Variants in NCKAP5 observed in about 807,000 individuals in gnomAD.
The protein encoded by NCKAP5 is NCK associated protein 5, also known as nck-associated protein 5.
A neutral mutation model predicts 167.0 loss-of-function variants in NCKAP5; 92 were observed. That is an observed-to-expected ratio of 0.55 (90% CI 0.47 to 0.66). The LOEUF is 0.66. NCKAP5 is among the 30% of genes least tolerant of loss of function. The pLI, the probability that NCKAP5 is intolerant of heterozygous loss-of-function variation, is 0.00. For synonymous variants in NCKAP5, 891 were observed against 877.4 expected (o/e 1.02, Z -0.27); for missense variants, 2,378 against 2,315.0 (o/e 1.03, Z -0.56).
chr2:133,127,560 G>T (rs1261592652), intron 6 of NCKAP5, among the ~76,000 whole-genome samples: 1 of 152,076 alleles, frequency 6.6e-6, no homozygotes, highest in Non-Finnish European at 1.5e-5. Context: ...AATCTGTAGG[G>T]GATTGGCATC....
At chr2:132,887,006 G>C (rs1408858913) in intron 8 of NCKAP5, among the ~76,000 whole-genome samples, 2 of 152,128 alleles carry the variant, frequency 1.3e-5, no homozygotes, top group Non-Finnish European at 2.9e-5. Flanking sequence ...TTTGGATAAA[G>C]ATACTCAATT....
chr2:132,860,748 C>T (rs1004572126), intron 10 of NCKAP5, 137 bp from the exon 11 acceptor site: 2 of 1,160,712 alleles, frequency 1.7e-6, no homozygotes, highest in Non-Finnish European at 2.3e-6. Flanking sequence ...AAGTAAATCA[C>T]ATACGTTTTC....
At chr2:132,987,234 T>C (rs1164541185) in intron 7 of NCKAP5, among the ~76,000 whole-genome samples, 5 of 151,916 alleles carry the variant, frequency 3.3e-5, no homozygotes, top group South Asian at 2.1e-4. Flanking sequence ...CTGAAGTTAA[T>C]AGGGGTCTGG....
At position 132,782,707 on chromosome 2, in the gene NCKAP5, C is replaced by A; in HGVS notation, c.4104G>T (p.Leu1368Phe). 6.2e-7 allele frequency: 1 copy of A among 1,613,966 alleles called. No individual in the cohort carries two copies. The highest frequency in any genetic ancestry group is 8.5e-7 in the Non-Finnish European group (1 of 1,179,888). ...CAGACTTTGGAGGGATCCTCAAAGGCAACTTACTTGGGCTCCCATGCTGAC... is the reference window on the plus strand; with the variant it reads ...CAGACTTTGGAGGGATCCTCAAAGGAAACTTACTTGGGCTCCCATGCTGAC... The part of the protein sequence containing the change: ...FSSQHGSPSK[L>F]PLRIPPKSEG... Residue 1368 changes from leucine to phenylalanine, a missense_variant, in exon 14 of 20, where the codon TTG (leucine) becomes TTT (phenylalanine). Coordinates refer to ENST00000409261, the MANE Select transcript of NCKAP5 (RefSeq NM_207363.3).
chr2:132,771,297 C>G (rs908016606), intron 16 of NCKAP5, among the ~76,000 whole-genome samples: 2 of 151,536 alleles, frequency 1.3e-5, no homozygotes, highest in South Asian at 2.1e-4. Context: ...TCGTTTTTAA[C>G]AAAAAATTTA....
At chr2:132,827,151 TA>T (rs1687181742) in intron 11 of NCKAP5, among the ~76,000 whole-genome samples, 1 of 152,198 alleles carries the variant, frequency 6.6e-6, no homozygotes, top group Admixed American at 6.5e-5. Flanking sequence ...CTGCAACAGT[TA>T]AAATGACTGA....
At chr2:132,816,782 C>T (rs192683965) in intron 11 of NCKAP5, among the ~76,000 whole-genome samples, 10 of 152,278 alleles carry the variant, frequency 6.6e-5, no homozygotes, top group Admixed American at 6.5e-4. Flanking sequence ...AACCCCTGAG[C>T]AGACAATCAA....
intron 7 of NCKAP5, among the ~76,000 whole-genome samples, chr2:132,989,097 G>A (rs1031340873): frequency 2.0e-5 from 3 of 152,158 alleles, no homozygotes; most frequent in African/African-American, 4.8e-5. Flanking sequence ...GAAGCATGGC[G>A]GCTACAATGA....
chr2:133,582,990 G>T, the NCKAP5 span, among the ~76,000 whole-genome samples: 1 of 152,244 alleles, frequency 6.6e-6, no homozygotes, highest in African/African-American at 2.4e-5. Context: ...GTTGACCCAG[G>T]CATCTTTATT....
intron 3 of NCKAP5, among the ~76,000 whole-genome samples, chr2:133,460,005 G>A (rs935635184): frequency 1.3e-5 from 2 of 152,182 alleles, no homozygotes; most frequent in South Asian, 2.1e-4. Context: ...GATAAAACTC[G>A]CATCAGTTCA....
At chr2:133,245,837 C>T (rs1390475326) in intron 4 of NCKAP5, among the ~76,000 whole-genome samples, 1 of 150,958 alleles carries the variant, frequency 6.6e-6, no homozygotes, top group Non-Finnish European at 1.5e-5. Context: ...GAAAAAATTC[C>T]CCCTGCTCTC....
the NCKAP5 span, among the ~76,000 whole-genome samples, chr2:133,671,307 T>C: frequency 6.7e-6 from 1 of 150,308 alleles, no homozygotes; most frequent in Non-Finnish European, 1.5e-5. Flanking sequence ...CTGGAGGTAG[T>C]GGTGGTGGCA....
In NCKAP5 at chr2:133,079,076, C is replaced by T. The variant is rs750343800; in HGVS notation, c.341+50902G>A. Among the ~76,000 whole-genome samples the T allele has an allele frequency of 2.3e-4, 35 of 152,280 alleles. No homozygotes were observed. In the Middle Eastern group the frequency reaches 0.014, roughly 59 times the overall value. ...GAAAAGAAAAGAAATATAACACAAACTCACTGACACCAGGGATTTATTCAG... is the reference window on the plus strand; with the variant it reads ...GAAAAGAAAAGAAATATAACACAAATTCACTGACACCAGGGATTTATTCAG... On this transcript the variant is annotated intron_variant, in intron 6 of 19. Coordinates refer to ENST00000409261, the MANE Select transcript of NCKAP5 (RefSeq NM_207363.3).
intron 3 of NCKAP5, among the ~76,000 whole-genome samples, chr2:133,348,609 C>A (rs1684138771): frequency 6.6e-6 from 1 of 152,074 alleles, no homozygotes; most frequent in Non-Finnish European, 1.5e-5. Context: ...AATTTATATG[C>A]TATTGATCAT....
At chr2:133,077,536 C>A (rs2080647748) in intron 6 of NCKAP5, among the ~76,000 whole-genome samples, 1 of 152,182 alleles carries the variant, frequency 6.6e-6, no homozygotes, top group Non-Finnish European at 1.5e-5. Flanking sequence ...AAAGAAACTT[C>A]TCACTACTTA....
intron 11 of NCKAP5, among the ~76,000 whole-genome samples, chr2:132,809,599 T>C (rs1685701940): frequency 6.6e-6 from 1 of 152,206 alleles, no homozygotes; most frequent in African/African-American, 2.4e-5. Flanking sequence ...TGCTGGCTTT[T>C]GGTGTCCATT....
chr2:133,099,011 T>C (rs1037431133), intron 6 of NCKAP5, among the ~76,000 whole-genome samples: 14 of 152,174 alleles, frequency 9.2e-5, no homozygotes, highest in African/African-American at 3.1e-4. Context: ...AAAGTAATCA[T>C]GTACCTAAAA....
intron 5 of NCKAP5, among the ~76,000 whole-genome samples, chr2:133,208,594 T>C (rs537700248): frequency 2.0e-5 from 3 of 152,248 alleles, no homozygotes; most frequent in African/African-American, 7.2e-5. Flanking sequence ...GTATGATAAG[T>C]AAATTTAATG....
intron 7 of NCKAP5, among the ~76,000 whole-genome samples, chr2:132,964,429 C>T (rs2076602128): frequency 6.6e-6 from 1 of 152,164 alleles, no homozygotes; most frequent in Non-Finnish European, 1.5e-5. Context: ...CACTGTTCAG[C>T]ATTCGTACTA....
Sources: gnomAD v4.1 joint callset for allele counts (sites outside exome capture counted in the v4.1 genomes callset) on GRCh38, gnomAD v4.1.1 for gene constraint, MANE v1.5 for transcripts, NCBI Gene and HGNC (gene_info 2026-07-23, HGNC 2026-07-21) for gene names.